Variants in ENTPD1 observed in about 807,000 individuals in gnomAD.
ENTPD1 encodes ATP diphosphohydrolase.
ENTPD1 carries 33 observed loss-of-function variants against 57.0 expected under a neutral mutation model. That is an observed-to-expected ratio of 0.58 (90% CI 0.44 to 0.77). ENTPD1 has a LOEUF of 0.77. ENTPD1 is among the 30% of genes least tolerant of loss of function. The pLI is 0.00. For synonymous variants in ENTPD1, 202 were observed against 218.8 expected (o/e 0.92, Z 0.68); for missense variants, 501 against 603.4 (o/e 0.83, Z 1.78).
rs1249907868 is a variant in ENTPD1 at position 95,844,764 on chromosome 10, G to GATGAATGA, written c.573+132_573+139dup. On this transcript the variant is annotated intron_variant, in intron 5 of 9. Coordinates refer to ENST00000371205, the MANE Select transcript of ENTPD1 (RefSeq NM_001776.6). Reference sequence around the variant, plus strand: ...AGATGGATGGATGGATGGATGACTGGATGAATGAATTTACTCTCACATTTG... The same window carrying GATGAATGA: ...AGATGGATGGATGGATGGATGACTGGATGAATGAATGAATGAATTTACTCTCACATTTG... 5.9e-6 allele frequency: 7 copies of GATGAATGA among 1,185,364 alleles called. No individual in the cohort carries two copies. In the Admixed American group the frequency reaches 1.2e-4, roughly 20 times the overall value. The allele number at this position is 1,185,364 out of a possible 1,614,324, so 73.4% of individuals were successfully genotyped here.
upstream of ENTPD1, among the ~76,000 whole-genome samples, chr10:95,707,951 C>T (rs11819521): frequency 3.9e-5 from 6 of 151,908 alleles, no homozygotes; most frequent in African/African-American, 1.2e-4. Context: ...TTGATTTATG[C>T]GTTGTTCTGT....
At chr10:95,865,622 G>A (rs2098472936) in intron 9 of ENTPD1, among the ~76,000 whole-genome samples, 1 of 152,202 alleles carries the variant, frequency 6.6e-6, no homozygotes. Context: ...TCTTGTCAGT[G>A]CTGATCTTGC....
rs755483582 is a variant in ENTPD1, at chr10:95,844,536, C to A, written c.474C>A (p.Asn158Lys). The stretch of plus-strand genomic sequence containing the variant: ...ATGTGGTGGAGAGGAGCCTCAGCAA[C>A]TACCCCTTTGACTTCCAGGGTGCCA... Reference protein sequence around the residue: ...VLDVVERSLSNYPFDFQGARI... With the variant: ...VLDVVERSLSKYPFDFQGARI... Residue 158 changes from asparagine (N) to lysine (K), a missense_variant, in exon 5 of 10, where the codon AAC becomes AAA. Asn to Lys is a moderately conservative substitution (Grantham distance 94). Transcript: ENST00000371205. 1.9e-6 allele frequency: 3 copies of A among 1,614,246 alleles called. No individual in the cohort carries two copies. The South Asian group carries it at 3.3e-5, about 18-fold the overall frequency.
upstream of ENTPD1, among the ~76,000 whole-genome samples, chr10:95,710,234 G>T (rs1335086616): frequency 6.6e-6 from 1 of 151,956 alleles, no homozygotes; most frequent in African/African-American, 2.4e-5. Context: ...GTGAAACCCT[G>T]TCTCTACTAA....
the ENTPD1 span, among the ~76,000 whole-genome samples, chr10:95,695,327 A>G: frequency 1.4e-4 from 22 of 152,344 alleles, no homozygotes; most frequent in Middle Eastern, 3.4e-3. Context: ...GTATTTTCCT[A>G]TGTCCACGGT....
upstream of ENTPD1, chr10:95,756,140 C>A: frequency 6.4e-7 from 1 of 1,552,292 alleles, no homozygotes; most frequent in Admixed American, 2.0e-5. Context: ...TGTTATATCT[C>A]TGTTTCCTTG....
chr10:95,756,192 G>C lies in ENTPD1; in HGVS notation c.-48G>C, dbSNP rs200451742. 5 of 1,370,464 alleles carry C rather than the reference G, an allele frequency of 3.6e-6. No homozygotes were observed. Among genetic ancestry groups the C allele is most frequent in the Admixed American group, 2.2e-5 (1 of 45,676 alleles). 84.9% of individuals were successfully genotyped at this position (1,370,464 alleles called of 1,614,324 possible). A position where few individuals can be genotyped will look rare whatever the true frequency, so the allele number is the denominator to read the frequency against. The stretch of plus-strand genomic sequence containing the variant: ...AGACGGACCACAGCAAGCAGAGGCT[G>C]GGGGGGGGAAAGACGAGGAAAGAGG... On this transcript the variant is annotated 5_prime_UTR_variant, in exon 1 of 10. Coordinates refer to ENST00000371205, the MANE Select transcript of ENTPD1 (RefSeq NM_001776.6).
chr10:95,740,947 A>C (rs985057336), intron 1 of ENTPD1, among the ~76,000 whole-genome samples: 4 of 152,164 alleles, frequency 2.6e-5, no homozygotes, highest in Admixed American at 2.0e-4. Flanking sequence ...GGCTGGTTTG[A>C]TCTTCTATCC....
At chr10:95,775,395 T>C (rs951175792) in intron 1 of ENTPD1, among the ~76,000 whole-genome samples, 12 of 152,150 alleles carry the variant, frequency 7.9e-5, no homozygotes, top group Non-Finnish European at 1.3e-4. Flanking sequence ...AGAGGGCATC[T>C]CTGTCTTGTG....
intron 7 of ENTPD1, among the ~76,000 whole-genome samples, chr10:95,857,900 G>T (rs545509096): frequency 6.6e-6 from 1 of 152,222 alleles, no homozygotes; most frequent in African/African-American, 2.4e-5. Context: ...GGTGGCTTAC[G>T]CCTGTAATCC....
At chr10:95,736,599 A>G (rs2056385157) in intron 1 of ENTPD1, among the ~76,000 whole-genome samples, 2 of 152,126 alleles carry the variant, frequency 1.3e-5, no homozygotes, top group South Asian at 2.1e-4. Flanking sequence ...AAATGTAGCA[A>G]TGATGGTTGC....
rs2098485272 is a variant in ENTPD1, at chr10:95,875,893, C to G, written c.*9510C>G. The G allele has an allele frequency of 1.2e-6, 1 of 817,940 alleles. No homozygotes were observed. The highest frequency in any genetic ancestry group is 1.5e-6 in the Non-Finnish European group (1 of 677,242). The allele number at this position is 817,940 out of a possible 1,614,324, so 50.7% of individuals were successfully genotyped here. A position where few individuals can be genotyped will look rare whatever the true frequency, so the allele number is the denominator to read the frequency against. ...AGCCCCCTTGATTCAATTACCTCCC[C>G]CTGGGTCCTGTGGGAATTCTGGAAG... On this transcript the variant is annotated 3_prime_UTR_variant, in exon 10 of 10. Transcript: ENST00000371205.
In ENTPD1 at chr10:95,868,390, T is replaced by C; in HGVS notation, c.*2007T>C. 1.0e-6 allele frequency: 1 copy of C among 985,460 alleles called. No homozygotes were observed. Among genetic ancestry groups the C allele is most frequent in the Non-Finnish European group, 1.2e-6 (1 of 829,932 alleles). 61.0% of individuals were successfully genotyped at this position (985,460 alleles called of 1,614,324 possible). A position where few individuals can be genotyped will look rare whatever the true frequency, so the allele number is the denominator to read the frequency against. On this transcript the variant is annotated 3_prime_UTR_variant, in exon 10 of 10. Coordinates refer to ENST00000371205, the MANE Select transcript of ENTPD1 (RefSeq NM_001776.6). ...TTGTAATTTAATATCATTCTGTTCA[T>C]GTGCTTTGGATGGAAGCACATCTGG...
At chr10:95,743,407 C>T (rs2098002480) in intron 1 of ENTPD1, among the ~76,000 whole-genome samples, 1 of 152,120 alleles carries the variant, frequency 6.6e-6, no homozygotes, top group Non-Finnish European at 1.5e-5. Flanking sequence ...GTCACTCTTT[C>T]TTACTCTTTT....
chr10:95,859,217 C>T (rs1205466104), intron 7 of ENTPD1, among the ~76,000 whole-genome samples: 5 of 152,324 alleles, frequency 3.3e-5, no homozygotes, highest in East Asian at 3.9e-4. Flanking sequence ...CTGAGGCATA[C>T]GGCCTGTTTG....
upstream of ENTPD1, chr10:95,755,173 T>C (rs1292126916): frequency 6.6e-6 from 1 of 152,652 alleles, no homozygotes; most frequent in African/African-American, 2.4e-5. Context: ...CTGTATTAGG[T>C]GCTGGGGAAC....
intron 1 of ENTPD1, among the ~76,000 whole-genome samples, chr10:95,738,073 C>T (rs1241836936): frequency 1.3e-5 from 2 of 152,024 alleles, no homozygotes; most frequent in African/African-American, 4.8e-5. Flanking sequence ...ATGAAGGAGA[C>T]CAGGAGAGGA....
At position 95,869,737 on chromosome 10, in the gene ENTPD1, T is replaced by C. The variant is rs1019205915; in HGVS notation, c.*3354T>C. Reference sequence around the variant, plus strand: ...AGTCAAGGTCCCTGCAAGAGATGGATGGTATGGTACACTCAAACTGGGTAA... The same window carrying C: ...AGTCAAGGTCCCTGCAAGAGATGGACGGTATGGTACACTCAAACTGGGTAA... On this transcript the variant is annotated 3_prime_UTR_variant, in exon 10 of 10. Transcript: ENST00000371205. 11 of 902,118 alleles carry C rather than the reference T, an allele frequency of 1.2e-5. No homozygotes were observed. The highest frequency in any genetic ancestry group is 6.2e-5 in the Admixed American group (1 of 16,152). 55.9% of individuals were successfully genotyped at this position (902,118 alleles called of 1,614,324 possible). A position where few individuals can be genotyped will look rare whatever the true frequency, so the allele number is the denominator to read the frequency against.
intron 6 of ENTPD1, 109 bp downstream of exon 6, chr10:95,845,705 T>C (rs758700276): frequency 6.2e-7 from 1 of 1,601,128 alleles, no homozygotes; most frequent in African/African-American, 1.3e-5. Flanking sequence ...TTGGTTATTG[T>C]ACTTTCCAAA....
Sources: gnomAD v4.1 joint callset for allele counts (sites outside exome capture counted in the v4.1 genomes callset) on GRCh38, gnomAD v4.1.1 for gene constraint, MANE v1.5 for transcripts, NCBI Gene and HGNC (gene_info 2026-07-23, HGNC 2026-07-21) for gene names.